The following RHOJ variants were observed in gnomAD, a reference collection of about 807,000 sequenced individuals.
RHOJ encodes the protein rho-related GTP-binding protein RhoJ.
In RHOJ, 11 loss-of-function variants were observed where a neutral mutation model predicts 23.4. The observed-to-expected ratio is 0.47, with a 90% CI of 0.30 to 0.78. The LOEUF is 0.78. Ranked by LOEUF, RHOJ falls within the 30% of genes least tolerant of loss-of-function variation. RHOJ has a pLI of 0.08. For missense variants in RHOJ, 254 were observed against 273.4 expected (o/e 0.93, Z 0.50); for synonymous variants, 102 against 102.7 (o/e 0.99, Z 0.04).
At chr14:63,290,157 C>G (rs1055687362) in intron 4 of RHOJ, among the ~76,000 whole-genome samples, 16 of 152,206 alleles carry the variant, frequency 1.1e-4, no homozygotes, top group African/African-American at 3.9e-4. Context: ...GCAGGAGAAT[C>G]ACTTGAGCCC....
intron 4 of RHOJ, among the ~76,000 whole-genome samples, chr14:63,287,173 A>G (rs1882109493): frequency 6.6e-6 from 1 of 152,110 alleles, no homozygotes; most frequent in Non-Finnish European, 1.5e-5. Flanking sequence ...TTTATTCATT[A>G]ATTTTGCTCT....
chr14:63,220,580 A>G (rs1225050223), intron 1 of RHOJ, among the ~76,000 whole-genome samples: 11 of 152,158 alleles, frequency 7.2e-5, no homozygotes, highest in South Asian at 2.1e-4. Flanking sequence ...CCGAGGAACT[A>G]CCCAGTGCCC....
At chr14:63,264,995 G>A (rs1895341501) in intron 1 of RHOJ, among the ~76,000 whole-genome samples, 1 of 152,056 alleles carries the variant, frequency 6.6e-6, no homozygotes, top group African/African-American at 2.4e-5. Flanking sequence ...GTTTTGTTTT[G>A]TTTTTGTTTT....
At chr14:63,283,653 T>C (rs1363843807) in intron 4 of RHOJ, among the ~76,000 whole-genome samples, 7 of 152,184 alleles carry the variant, frequency 4.6e-5, no homozygotes, top group Non-Finnish European at 1.0e-4. Context: ...AGGGTTATAT[T>C]TGTCCAGTAT....
chr14:63,251,248 C>G (rs1316208117), intron 1 of RHOJ, among the ~76,000 whole-genome samples: 1 of 151,984 alleles, frequency 6.6e-6, no homozygotes, highest in Non-Finnish European at 1.5e-5. Context: ...CCAGCTTTGC[C>G]CCTGGTCCAT....
intron 1 of RHOJ, among the ~76,000 whole-genome samples, chr14:63,252,745 C>T (rs1378194616): frequency 6.6e-6 from 1 of 152,132 alleles, no homozygotes; most frequent in African/African-American, 2.4e-5. Flanking sequence ...AAGGCAACAG[C>T]ATCAGGAAAG....
intron 1 of RHOJ, among the ~76,000 whole-genome samples, chr14:63,258,907 T>C (rs1192280725): frequency 6.6e-6 from 1 of 152,252 alleles, no homozygotes; most frequent in Non-Finnish European, 1.5e-5. Context: ...ATGTACCACA[T>C]GGTTCCCATT....
At chr14:63,258,420 T>C (rs1895217049) in intron 1 of RHOJ, among the ~76,000 whole-genome samples, 2 of 149,872 alleles carry the variant, frequency 1.3e-5, no homozygotes, top group South Asian at 4.2e-4. Flanking sequence ...AATAAGAGAG[T>C]TTAGCAAATA....
At chr14:63,271,277 G>A (rs957814748) in intron 2 of RHOJ, among the ~76,000 whole-genome samples, 1 of 152,154 alleles carries the variant, frequency 6.6e-6, no homozygotes, top group African/African-American at 2.4e-5. Context: ...GTTCCTTCTA[G>A]GCCTAAAATT....
At chr14:63,249,377 A>G (rs1895029531) in intron 1 of RHOJ, among the ~76,000 whole-genome samples, 3 of 152,206 alleles carry the variant, frequency 2.0e-5, no homozygotes, top group Admixed American at 1.3e-4. Context: ...CAGCCAGCAT[A>G]TGCTCAACAC....
In RHOJ at chr14:63,204,962, C is replaced by T. The variant is rs1412279807; in HGVS notation, c.93C>T (p.Ala31=). 1.9e-6 allele frequency: 3 copies of T among 1,614,144 alleles called. No homozygotes were observed. Among genetic ancestry groups the T allele is most frequent in the Non-Finnish European group, 2.5e-6 (3 of 1,180,032 alleles). Residue 31 remains alanine, a synonymous_variant, in exon 1 of 5, where the codon GCC becomes GCT. Transcript: ENST00000316754. ...AGTGTGTGGTGGTGGGGGACGGTGC[C>T]GTGGGGAAAACCTGCCTGCTGATGA... The part of the protein sequence containing the change: ...MLKCVVVGDG[A]VGKTCLLMSY...
Position 63,291,210 on chromosome 14 carries a change from C to A in RHOJ, c.*186C>A. ...TCAGCCCACTGCCACGACCTCCCTG[C>A]CAGCCAGAAGCATCCGTACTGCACG... On this transcript the variant is annotated 3_prime_UTR_variant, in exon 5 of 5. Coordinates refer to ENST00000316754, the MANE Select transcript of RHOJ (RefSeq NM_020663.5). The A allele has an allele frequency of 2.9e-6, 2 of 681,232 alleles. No homozygotes were observed. The highest frequency in any genetic ancestry group is 2.6e-6 in the Non-Finnish European group (1 of 381,584). 42.2% of individuals were successfully genotyped at this position (681,232 alleles called of 1,614,324 possible).
intron 4 of RHOJ, among the ~76,000 whole-genome samples, chr14:63,289,374 C>T (rs986700940): frequency 1.1e-4 from 16 of 152,216 alleles, no homozygotes; most frequent in Admixed American, 3.9e-4. Flanking sequence ...GCCAGCCCCA[C>T]TTTATCATTT....
intron 1 of RHOJ, among the ~76,000 whole-genome samples, chr14:63,249,252 C>T (rs1321894271): frequency 6.6e-6 from 1 of 152,120 alleles, no homozygotes; most frequent in African/African-American, 2.4e-5. Flanking sequence ...ACTCACCAAC[C>T]CTACACACAC....
At chr14:63,217,832 G>T (rs1276996809) in intron 1 of RHOJ, among the ~76,000 whole-genome samples, 1 of 152,146 alleles carries the variant, frequency 6.6e-6, no homozygotes, top group Non-Finnish European at 1.5e-5. Flanking sequence ...AATCACAAAT[G>T]ACTTGCATTT....
At chr14:63,227,207 C>T (rs908201690) in intron 1 of RHOJ, among the ~76,000 whole-genome samples, 2 of 152,176 alleles carry the variant, frequency 1.3e-5, no homozygotes, top group African/African-American at 2.4e-5. Context: ...CCGCCTCAGC[C>T]TCCCAAAGTG....
chr14:63,239,089 G>GT lies in RHOJ; in HGVS notation c.179-30013dup, dbSNP rs922126655. Among the ~76,000 whole-genome samples the GT allele has an allele frequency of 4.6e-5, 7 of 151,670 alleles. No individual in the cohort carries two copies. The East Asian group carries it at 9.7e-4, about 21-fold the overall frequency. ...CTATTCGAGTGAATACCAACTCATG[G>GT]TTTTTTTTCTGTTTGTTTGTTTGTT... On this transcript the variant is annotated intron_variant, in intron 1 of 4. Transcript: ENST00000316754.
At chr14:63,267,004 C>T (rs1416507709) in intron 1 of RHOJ, among the ~76,000 whole-genome samples, 1 of 152,322 alleles carries the variant, frequency 6.6e-6, no homozygotes, top group South Asian at 2.1e-4. Flanking sequence ...GCTCATGCCA[C>T]ACTGCACAGT....
intron 1 of RHOJ, among the ~76,000 whole-genome samples, chr14:63,225,042 T>C (rs1295853992): frequency 6.7e-6 from 1 of 148,302 alleles, no homozygotes; most frequent in East Asian, 2.0e-4. Context: ...AAGCTCCGCC[T>C]TCCGGTTCAC....
Sources: gnomAD v4.1 joint callset for allele counts (sites outside exome capture counted in the v4.1 genomes callset) on GRCh38, gnomAD v4.1.1 for gene constraint, MANE v1.5 for transcripts, NCBI Gene and HGNC (gene_info 2026-07-23, HGNC 2026-07-21) for gene names.